Variants in ENOX1 observed in about 807,000 individuals in gnomAD.
The protein encoded by ENOX1 is ecto-NOX disulfide-thiol exchanger 1.
A neutral mutation model predicts 82.5 loss-of-function variants in ENOX1; 42 were observed. The observed-to-expected ratio is 0.51, with a 90% CI of 0.40 to 0.66. The LOEUF (loss-of-function observed/expected upper bound fraction) is 0.66. ENOX1 is among the 30% of genes least tolerant of loss of function. The probability of loss-of-function intolerance (pLI) is 0.00; values close to 1 mark genes in which losing one functional copy is unlikely to be tolerated. For missense variants in ENOX1, 608 were observed against 811.6 expected (o/e 0.75, Z 3.05); for synonymous variants, 271 against 282.2 (o/e 0.96, Z 0.40).
chr13:43,294,723 A>G (rs1566443928), intron 12 of ENOX1, among the ~76,000 whole-genome samples: 1 of 152,232 alleles, frequency 6.6e-6, no homozygotes, highest in African/African-American at 2.4e-5. Context: ...ACTGGAAACT[A>G]TCCATCCACT....
intron 3 of ENOX1, among the ~76,000 whole-genome samples, chr13:43,475,361 T>C (rs1045856176): frequency 6.6e-6 from 1 of 152,142 alleles, no homozygotes; most frequent in Non-Finnish European, 1.5e-5. Flanking sequence ...ACATTTCTGA[T>C]AGGAACTCTA....
chr13:43,325,346 T>C (rs1402945338), intron 10 of ENOX1, among the ~76,000 whole-genome samples: 6 of 152,226 alleles, frequency 3.9e-5, no homozygotes. Flanking sequence ...GCATTTTAAG[T>C]GTCACATTAT....
At chr13:43,450,931 C>T (rs1418413986) in intron 3 of ENOX1, among the ~76,000 whole-genome samples, 1 of 152,140 alleles carries the variant, frequency 6.6e-6, no homozygotes, top group Non-Finnish European at 1.5e-5. Flanking sequence ...CTGTCTGAAA[C>T]ACTGCTATAA....
intron 14 of ENOX1, among the ~76,000 whole-genome samples, chr13:43,239,682 A>G (rs1449658034): frequency 6.6e-6 from 1 of 152,222 alleles, no homozygotes; most frequent in Non-Finnish European, 1.5e-5. Context: ...CTTGCTGACA[A>G]AGTCACAGAG....
At chr13:43,288,485 CAT>C (rs1346962807) in intron 12 of ENOX1, among the ~76,000 whole-genome samples, 2 of 152,104 alleles carry the variant, frequency 1.3e-5, no homozygotes, top group Non-Finnish European at 1.5e-5. Context: ...TATACATACA[CAT>C]ATTTATTTTT....
chr13:43,244,692 G>T lies in ENOX1; in HGVS notation c.1612-7954C>A, dbSNP rs1030945974. On this transcript the variant is annotated intron_variant, in intron 14 of 16. Transcript: ENST00000690772. The stretch of plus-strand genomic sequence containing the variant: ...TGACTTCCCCTATGACCCTCCAAGG[G>T]CTGGCGGCCTCCATAGCTGCTAGTG... Among the ~76,000 whole-genome samples the T allele has an allele frequency of 2.6e-5, 4 of 152,148 alleles. No homozygotes were observed. The East Asian group carries it at 7.7e-4, about 29-fold the overall frequency.
intron 2 of ENOX1, among the ~76,000 whole-genome samples, chr13:43,623,540 T>C (rs2082836281): frequency 6.6e-6 from 1 of 152,152 alleles, no homozygotes; most frequent in Non-Finnish European, 1.5e-5. Context: ...GGAGTGTGTG[T>C]TCGGGAGAGG....
intron 12 of ENOX1, among the ~76,000 whole-genome samples, chr13:43,288,005 C>T (rs888672509): frequency 3.3e-5 from 5 of 152,140 alleles, no homozygotes; most frequent in Admixed American, 1.3e-4. Context: ...GCACACACTG[C>T]CAGCAGGAAC....
chr13:43,322,827 T>C (rs996644026), intron 10 of ENOX1, among the ~76,000 whole-genome samples: 1 of 152,212 alleles, frequency 6.6e-6, no homozygotes, highest in Non-Finnish European at 1.5e-5. Flanking sequence ...GAAATACCTG[T>C]TACATGGCTG....
At chr13:43,331,748 CA>C (rs2048420124) in intron 9 of ENOX1, among the ~76,000 whole-genome samples, 1 of 152,132 alleles carries the variant, frequency 6.6e-6, no homozygotes, top group Non-Finnish European at 1.5e-5. Flanking sequence ...TAAGCGATTC[CA>C]GCTCTCAGGA....
chr13:43,375,329 G>A (rs1391585301), intron 5 of ENOX1, among the ~76,000 whole-genome samples: 1 of 152,126 alleles, frequency 6.6e-6, no homozygotes, highest in Non-Finnish European at 1.5e-5. Context: ...GCAATCCATG[G>A]TTCTCAGCAG....
intron 3 of ENOX1, among the ~76,000 whole-genome samples, chr13:43,477,278 A>G (rs868664473): frequency 6.6e-6 from 1 of 151,200 alleles, no homozygotes; most frequent in South Asian, 2.1e-4. Context: ...TACCTCTGGG[A>G]AAGGAGAAGT....
chr13:43,356,544 G>T (rs1274007429), intron 7 of ENOX1, among the ~76,000 whole-genome samples: 1 of 151,962 alleles, frequency 6.6e-6, no homozygotes, highest in African/African-American at 2.4e-5. Context: ...TATGGCCTTG[G>T]TTTTATTATA....
At chr13:43,715,854 AG>A (rs2088086553) in intron 1 of ENOX1, among the ~76,000 whole-genome samples, 2 of 151,348 alleles carry the variant, frequency 1.3e-5, no homozygotes, top group Non-Finnish European at 2.9e-5. Context: ...TGGTTTTTCT[AG>A]GTAACCATTC....
At chr13:43,244,833 G>A (rs1220906081) in intron 14 of ENOX1, among the ~76,000 whole-genome samples, 1 of 152,116 alleles carries the variant, frequency 6.6e-6, no homozygotes, top group African/African-American at 2.4e-5. Context: ...CTTGTTCCAT[G>A]GCCTTCTTGT....
intron 2 of ENOX1, among the ~76,000 whole-genome samples, chr13:43,487,153 C>G (rs949413565): frequency 7.1e-6 from 1 of 140,628 alleles, no homozygotes; most frequent in African/African-American, 2.7e-5. Flanking sequence ...GCCTGGGTGA[C>G]AAAGTGAGAC....
intron 8 of ENOX1, 25 bp downstream of exon 8, chr13:43,355,894 A>G: frequency 3.8e-6 from 6 of 1,593,666 alleles, no homozygotes; most frequent in Non-Finnish European, 5.1e-6. Context: ...GTGGAGGAAG[A>G]AAAGCCAGCG....
At position 43,265,415 on chromosome 13, in the gene ENOX1, T is replaced by A. The variant is rs1385066995; in HGVS notation, c.1594A>T (p.Ser532Cys). 1.9e-6 allele frequency: 3 copies of A among 1,612,360 alleles called. No individual in the cohort carries two copies. The African/African-American group carries it at 4.0e-5, about 22-fold the overall frequency. Residue 532 changes from serine (S) to cysteine (C), a missense_variant, in exon 14 of 17, where the codon AGC becomes TGC. Physicochemically the swap from Ser to Cys is moderately radical, Grantham distance 112 (BLOSUM62 -1). Coordinates refer to ENST00000690772, the MANE Select transcript of ENOX1 (RefSeq NM_001347969.2). ...TKELVETNGH[S>C]HEDSNEINVL... ...GTACCTACATTTGAATCCTCATGGC[T>A]GTGGCCATTGGTCTCGACCAATTCC...
At chr13:43,268,433 A>G (rs1376560236) in intron 13 of ENOX1, among the ~76,000 whole-genome samples, 1 of 152,228 alleles carries the variant, frequency 6.6e-6, no homozygotes, top group Non-Finnish European at 1.5e-5. Flanking sequence ...TTCATCATAT[A>G]AAGATAATTA....
Sources: allele counts gnomAD v4.1 joint callset (sites outside exome capture counted in the v4.1 genomes callset), GRCh38; gene constraint gnomAD v4.1.1; transcripts MANE v1.5; gene names NCBI Gene and HGNC (gene_info 2026-07-23, HGNC 2026-07-21).